Variants in TENM3 observed in about 807,000 individuals in gnomAD.
TENM3 encodes the protein teneurin-3.
A neutral mutation model predicts 255.1 loss-of-function variants in TENM3; 63 were observed. The observed-to-expected ratio is 0.25, with a 90% CI of 0.20 to 0.30. TENM3 has a LOEUF of 0.30. TENM3 is among the 10% of genes least tolerant of loss of function. The pLI is 1.00. For missense variants in TENM3, 2,929 were observed against 3,461.1 expected, an observed-to-expected ratio of 0.85 and a Z score of 3.86; for synonymous variants, 1,306 against 1,322.3, an observed-to-expected ratio of 0.99 and a Z score of 0.27.
At chr4:182,303,423 C>T (rs1580088301) in intron 1 of TENM3, among the ~76,000 whole-genome samples, 1 of 152,190 alleles carries the variant, frequency 6.6e-6, no homozygotes, top group African/African-American at 2.4e-5. Context: ...AGTCATATTT[C>T]TGTTGTGTTG....
chr4:181,904,791 A>G, the TENM3 span, among the ~76,000 whole-genome samples: 1 of 152,198 alleles, frequency 6.6e-6, no homozygotes, highest in Non-Finnish European at 1.5e-5. Context: ...GTCCCCACCC[A>G]AATCTCATCT....
intron 1 of TENM3, among the ~76,000 whole-genome samples, chr4:182,283,096 T>C (rs1317176561): frequency 6.6e-6 from 1 of 152,162 alleles, no homozygotes; most frequent in Non-Finnish European, 1.5e-5. Context: ...CCTATTTTGA[T>C]CCACTTGGAT....
chr4:181,957,020 T>C, the TENM3 span, among the ~76,000 whole-genome samples: 2 of 152,214 alleles, frequency 1.3e-5, no homozygotes, highest in African/African-American at 2.4e-5. Context: ...ACTAAAATAA[T>C]GGTATCTGGA....
At chr4:182,077,330 C>T in the TENM3 span, among the ~76,000 whole-genome samples, 1 of 152,076 alleles carries the variant, frequency 6.6e-6, no homozygotes, top group South Asian at 2.1e-4. Context: ...TGCTAAAATG[C>T]TTTATATAGT....
At chr4:181,902,438 T>C in the TENM3 span, among the ~76,000 whole-genome samples, 7 of 152,192 alleles carry the variant, frequency 4.6e-5, no homozygotes, top group African/African-American at 1.4e-4. Flanking sequence ...CCCCAAAGGA[T>C]TGTAGATCAT....
the TENM3 span, among the ~76,000 whole-genome samples, chr4:182,034,411 T>C: frequency 9.4e-4 from 143 of 152,322 alleles, no homozygotes; most frequent in Non-Finnish European, 1.9e-3. Flanking sequence ...TATGTATGAA[T>C]TTGATCCTGT....
At chr4:181,783,846 C>T in the TENM3 span, among the ~76,000 whole-genome samples, 9 of 152,136 alleles carry the variant, frequency 5.9e-5, no homozygotes, top group South Asian at 4.2e-4. Flanking sequence ...ATTATAAGTG[C>T]GCACCACTAT....
At chr4:182,248,200 C>T (rs867314279) in intron 1 of TENM3, among the ~76,000 whole-genome samples, 25 of 152,182 alleles carry the variant, frequency 1.6e-4, no homozygotes, top group Middle Eastern at 6.8e-3. Flanking sequence ...CCACGGCACA[C>T]GCATACCTGT....
At chr4:181,978,134 A>G in the TENM3 span, among the ~76,000 whole-genome samples, 3 of 152,214 alleles carry the variant, frequency 2.0e-5, no homozygotes, top group African/African-American at 7.2e-5. Flanking sequence ...ATCATTTTAA[A>G]GTAGCTGAAA....
At chr4:182,784,133 C>T (rs2152815605) in intron 24 of TENM3, among the ~76,000 whole-genome samples, 1 of 152,306 alleles carries the variant, frequency 6.6e-6, no homozygotes, top group East Asian at 1.9e-4. Context: ...AGGCGCTCTG[C>T]TTTTTAGAGT....
intron 1 of TENM3, chr4:182,144,914 T>TCCGGCCTCCCCGTCCCCGCC (rs1247158576): frequency 1.3e-5 from 2 of 149,766 alleles, no homozygotes; most frequent in African/African-American, 4.9e-5. Context: ...CTCTCCACGG[T>TCCGGCCTCCCCGTCCCCGCC]CCGGCCTCCC....
At chr4:181,466,120 T>TA in the TENM3 span, among the ~76,000 whole-genome samples, 1 of 56,926 alleles carries the variant, frequency 1.8e-5, no homozygotes, top group East Asian at 6.3e-4. Flanking sequence ...ATTTTTTTTT[T>TA]TGTTTTGTTT....
intron 22 of TENM3, among the ~76,000 whole-genome samples, chr4:182,772,311 T>C (rs1482281837): frequency 6.6e-6 from 1 of 152,196 alleles, no homozygotes; most frequent in Non-Finnish European, 1.5e-5. Flanking sequence ...TGGCCCCGTG[T>C]TTTCACCTAC....
intron 3 of TENM3, among the ~76,000 whole-genome samples, chr4:182,379,995 G>A (rs7659623): frequency 0.13 from 20,220 of 152,116 alleles, 1,584 homozygotes; most frequent in East Asian, 0.36. Flanking sequence ...CAGGATGGGC[G>A]CAGTGGCTCA....
the TENM3 span, among the ~76,000 whole-genome samples, chr4:181,977,994 G>A: frequency 1.3e-5 from 2 of 152,154 alleles, no homozygotes; most frequent in Admixed American, 6.5e-5. Context: ...ATTATGAAGA[G>A]GCCAAGTCAT....
At chr4:182,398,502 C>A (rs1043224750) in intron 3 of TENM3, among the ~76,000 whole-genome samples, 1 of 152,148 alleles carries the variant, frequency 6.6e-6, no homozygotes, top group African/African-American at 2.4e-5. Context: ...AACTGTGAAT[C>A]GCTGTGAGAG....
chr4:182,376,771 CT>C (rs545951230), intron 3 of TENM3, among the ~76,000 whole-genome samples: 6 of 150,638 alleles, frequency 4.0e-5, no homozygotes, highest in East Asian at 2.0e-4. Flanking sequence ...GGTCAAATTA[CT>C]TTTTTTTTCC....
chr4:182,066,177 C>T, the TENM3 span, among the ~76,000 whole-genome samples: 17,580 of 152,156 alleles, frequency 0.12, 2,439 homozygotes, highest in African/African-American at 0.33. Context: ...TTCTAATATT[C>T]CAACCATCCC....
chr4:182,503,665 A>G (rs1424113242), intron 3 of TENM3, among the ~76,000 whole-genome samples: 1 of 152,218 alleles, frequency 6.6e-6, no homozygotes, highest in Non-Finnish European at 1.5e-5. Context: ...GGTAGAGGGC[A>G]GAAACTCAAG....
Sources: allele counts gnomAD v4.1 joint callset (sites outside exome capture counted in the v4.1 genomes callset), GRCh38; gene constraint gnomAD v4.1.1; transcripts MANE v1.5; gene names NCBI Gene and HGNC (gene_info 2026-07-23, HGNC 2026-07-21).